POMT1: variants seen among roughly 807,000 people sequenced by gnomAD.
POMT1 encodes protein O-mannosyl-transferase 1.
POMT1 carries 85 observed loss-of-function variants against 101.6 expected under a neutral mutation model. The observed-to-expected ratio is 0.84, with a 90% CI of 0.70 to 1.00. The LOEUF (loss-of-function observed/expected upper bound fraction) is 1.00. Ranked by LOEUF, POMT1 falls within the 50% of genes least tolerant of loss-of-function variation. The probability of loss-of-function intolerance (pLI) is 0.00; values close to 1 mark genes in which losing one functional copy is unlikely to be tolerated. For missense variants in POMT1, 857 were observed against 930.4 expected (o/e 0.92, Z 1.03); for synonymous variants, 371 against 383.0 (o/e 0.97, Z 0.37).
Position 131,522,048 on chromosome 9 carries a change from T to G in POMT1, c.1827T>G (p.Asp609Glu). The G allele has an allele frequency of 6.2e-7, 1 of 1,613,790 alleles. No individual in the cohort carries two copies. Residue 609 changes from aspartate (D) to glutamate (E), a missense_variant and splice_region_variant, in exon 19 of 20, where the codon GAT becomes GAG. Physicochemically the swap from Asp to Glu is conservative, Grantham distance 45. Transcript: ENST00000402686. The surrounding 1 kb of genome is among the most constrained non-coding windows in gnomAD (Gnocchi z 5.5). Reference sequence around the variant, plus strand: ...TGTAGCTCGAGCCCTTTCCTATAGATGCCTGGCTGCGCTGGGTGCTGGCTG... The same window carrying G: ...TGTAGCTCGAGCCCTTTCCTATAGAGGCCTGGCTGCGCTGGGTGCTGGCTG... ...RRRNVHDLPQ[D>E]AWLRWVLAGA... is the part of the protein sequence containing the mutation.
In POMT1 at chr9:131,519,888, G is replaced by A. The variant is rs1949565591; in HGVS notation, c.1585-192G>A. Among the ~76,000 whole-genome samples the A allele has an allele frequency of 6.6e-6, 1 of 152,158 alleles. No homozygotes were observed. The highest frequency in any genetic ancestry group is 1.5e-5 in the Non-Finnish European group (1 of 68,028). ...GAGGTAACTGGAGCACATAGGGTGG[G>A]GCGACCCTCCCAAGGCCACATTCAG... On this transcript the variant is annotated intron_variant, in intron 16 of 19. Coordinates refer to ENST00000402686, the MANE Select transcript of POMT1 (RefSeq NM_001077365.2). This position sits in a 1 kb window ranked among gnomAD's most constrained non-coding sequence, Gnocchi z 4.3.
At position 131,510,283 on chromosome 9, in the gene POMT1, C is replaced by G. The variant is rs765290860; in HGVS notation, c.723C>G (p.Leu241=). Reference sequence around the variant, plus strand: ...AGGTCTGTGTGTTCTGTCACTTGCTCGCCCGAGCAGTGGCTTTGCTGGTCA... The same window carrying G: ...AGGTCTGTGTGTTCTGTCACTTGCTGGCCCGAGCAGTGGCTTTGCTGGTCA... The part of the protein sequence containing the change: ...LSNVCVFCHL[L]ARAVALLVIP... The change falls in exon 9 of 20, where the codon CTC becomes CTG. Residue 241 remains leucine (L), a synonymous_variant. Transcript: ENST00000402686. The G allele has an allele frequency of 6.2e-7, 1 of 1,614,234 alleles. No individual in the cohort carries two copies.
Position 131,522,640 on chromosome 9 carries a change from T to C in POMT1, c.2004-292T>C. On this transcript the variant is annotated intron_variant, in intron 19 of 19. Coordinates refer to ENST00000402686, the MANE Select transcript of POMT1 (RefSeq NM_001077365.2). This position sits in a 1 kb window ranked among gnomAD's most constrained non-coding sequence, Gnocchi z 5.5. The stretch of plus-strand genomic sequence containing the variant: ...GAGGTTGGAGCAGAGGGCGAGGGCC[T>C]CCCGGTTTCAGGAAGCCACACAAGG... 1 of 556,122 alleles carries C rather than the reference T, an allele frequency of 1.8e-6. No individual in the cohort carries two copies. Among genetic ancestry groups the C allele is most frequent in the Non-Finnish European group, 3.2e-6 (1 of 309,762 alleles). 34.4% of individuals were successfully genotyped at this position (556,122 alleles called of 1,614,324 possible).
At chr9:131,508,480 G>A (rs568222961) in intron 5 of POMT1, among the ~76,000 whole-genome samples, 73 of 151,318 alleles carry the variant, frequency 4.8e-4, no homozygotes, top group Middle Eastern at 3.5e-3. Context: ...GCAGTGAGCC[G>A]AGATTGTACC....
intron 5 of POMT1, 70 bp from the exon 6 acceptor site, chr9:131,508,841 G>A: frequency 9.1e-7 from 1 of 1,102,496 alleles, no homozygotes; most frequent in Non-Finnish European, 1.4e-6. Flanking sequence ...CTTTTTTCAT[G>A]AGTGTTTTTC....
chr9:131,522,969 G>T lies in POMT1; in HGVS notation c.2041G>T (p.Val681Leu). The T allele has an allele frequency of 6.2e-7, 1 of 1,602,312 alleles. No homozygotes were observed. Reference sequence around the variant, plus strand: ...GAGGAGCATCTTCAGCGCCCTGGTGGTGGCCTGGTACTCCTCCGCGTGCCA... The same window carrying T: ...GAGGAGCATCTTCAGCGCCCTGGTGTTGGCCTGGTACTCCTCCGCGTGCCA... ...LQRSIFSALV[V>L]AWYSSACHVS... Residue 681 changes from valine to leucine, a missense_variant, in exon 20 of 20, where the codon GTG becomes TTG. Coordinates refer to ENST00000402686, the MANE Select transcript of POMT1 (RefSeq NM_001077365.2). The surrounding 1 kb of genome is among the most constrained non-coding windows in gnomAD (Gnocchi z 5.5).
rs901967165 is a variant in POMT1, at chr9:131,512,259, C to T, written c.1082+123C>T. 33 of 1,508,330 alleles carry T rather than the reference C, an allele frequency of 2.2e-5. No individual in the cohort carries two copies. In the African/African-American group the frequency reaches 3.3e-4, roughly 15 times the overall value. The allele number at this position is 1,508,330 out of a possible 1,614,324, so 93.4% of individuals were successfully genotyped here. ...TCACTGACTCTAGTCACCGTCATGG[C>T]CTTGAACACCAGCTCAGTGCTGAGT... On this transcript the variant is annotated intron_variant, in intron 11 of 19. Coordinates refer to ENST00000402686, the MANE Select transcript of POMT1 (RefSeq NM_001077365.2).
intron 4 of POMT1, among the ~76,000 whole-genome samples, chr9:131,507,106 A>G (rs1946028129): frequency 6.6e-6 from 1 of 151,998 alleles, no homozygotes; most frequent in Non-Finnish European, 1.5e-5. Context: ...CAGGGAGGGT[A>G]AATATGTATA....
In POMT1 at chr9:131,518,363, A is replaced by C. The variant is rs1554780444; in HGVS notation, c.1273-82A>C. 6 of 1,151,250 alleles carry C rather than the reference A, an allele frequency of 5.2e-6. No individual in the cohort carries two copies. The East Asian group carries it at 1.4e-4, about 27-fold the overall frequency. The allele number at this position is 1,151,250 out of a possible 1,614,324, so 71.3% of individuals were successfully genotyped here. On this transcript the variant is annotated intron_variant, in intron 13 of 19. Coordinates refer to ENST00000402686, the MANE Select transcript of POMT1 (RefSeq NM_001077365.2). ...TTTGTCTCAGGCTCAAGTCAGTATC[A>C]TTGTTTGGTGACAGGTCTTTATTTT...
At chr9:131,508,873 C>A in intron 5 of POMT1, 38 bp from the exon 6 acceptor site, 1 of 1,445,256 alleles carries the variant, frequency 6.9e-7, no homozygotes, top group Non-Finnish European at 9.7e-7. Flanking sequence ...TTTTCCCTTG[C>A]TACCTTAAAA....
At position 131,519,092 on chromosome 9, in the gene POMT1, C is replaced by T; in HGVS notation, c.1486+135C>T. ...TCCATGCTCGGTGGCAGGTCATCTC[C>T]CTCCCTGCACCCTGCACTCAGCTGC... On this transcript the variant is annotated intron_variant, in intron 15 of 19. Coordinates refer to ENST00000402686, the MANE Select transcript of POMT1 (RefSeq NM_001077365.2). The surrounding 1 kb of genome is among the most constrained non-coding windows in gnomAD (Gnocchi z 4.3). The T allele has an allele frequency of 1.5e-6, 2 of 1,374,626 alleles. No individual in the cohort carries two copies. The highest frequency in any genetic ancestry group is 2.0e-6 in the Non-Finnish European group (2 of 999,312). The allele number at this position is 1,374,626 out of a possible 1,614,324, so 85.2% of individuals were successfully genotyped here. A position where few individuals can be genotyped will look rare whatever the true frequency, so the allele number is the denominator to read the frequency against.
chr9:131,513,039 C>T lies in POMT1; in HGVS notation c.1083-200C>T, dbSNP rs558475469. On this transcript the variant is annotated intron_variant, in intron 11 of 19. Coordinates refer to ENST00000402686, the MANE Select transcript of POMT1 (RefSeq NM_001077365.2). ...GGTGTGATGACCGCGGGTAGAATCA[C>T]ATTCGGAAAATGACCTTTGGTTTCA... Among the ~76,000 whole-genome samples, 10 of 152,358 alleles carry T rather than the reference C, an allele frequency of 6.6e-5. No homozygotes were observed. In the South Asian group the frequency reaches 1.9e-3, roughly 28 times the overall value.
chr9:131,518,020 G>A (rs769621266), intron 13 of POMT1, among the ~76,000 whole-genome samples: 10 of 152,340 alleles, frequency 6.6e-5, no homozygotes, highest in Non-Finnish European at 1.3e-4. Flanking sequence ...TTTATTACTC[G>A]ATGCGAGGAA....
chr9:131,503,672 G>C lies in POMT1; in HGVS notation c.-30-517G>C, dbSNP rs1464535398. Among the ~76,000 whole-genome samples the C allele has an allele frequency of 6.6e-6, 1 of 152,230 alleles. No homozygotes were observed. The highest frequency in any genetic ancestry group is 1.9e-4 in the East Asian group (1 of 5,190). On this transcript the variant is annotated intron_variant, in intron 1 of 19. Coordinates refer to ENST00000402686, the MANE Select transcript of POMT1 (RefSeq NM_001077365.2). This position sits in a 1 kb window ranked among gnomAD's most constrained non-coding sequence, Gnocchi z 4.4. ...CAGGGTGCAAATGCACCCTCCAGGC[G>C]AGAAAGGGAGCACCCGGGGATGATG...
intron 9 of POMT1, 178 bp from the exon 10 acceptor site, chr9:131,511,159 G>A: frequency 1.4e-6 from 1 of 693,526 alleles, no homozygotes; most frequent in South Asian, 2.0e-5. Flanking sequence ...CAGACTTAGT[G>A]CTCATTATGG....
In POMT1 at chr9:131,503,980, TGAGA is replaced by T. The variant is rs1268761798; in HGVS notation, c.-30-208_-30-205del. Among the ~76,000 whole-genome samples the T allele has an allele frequency of 5.3e-5, 8 of 152,206 alleles. No homozygotes were observed. The highest frequency in any genetic ancestry group is 1.0e-4 in the Non-Finnish European group (7 of 68,028). The stretch of plus-strand genomic sequence containing the variant: ...GTTGAAAGGAGTGAATGTCCAGTCC[TGAGA>T]TCCCCTGAATTCCCACCCGAGTTCA... On this transcript the variant is annotated intron_variant, in intron 1 of 19. Transcript: ENST00000402686. This position sits in a 1 kb window ranked among gnomAD's most constrained non-coding sequence, Gnocchi z 4.4.
intron 13 of POMT1, among the ~76,000 whole-genome samples, chr9:131,515,761 T>C: frequency 2.9e-5 from 1 of 34,312 alleles, no homozygotes; most frequent in Non-Finnish European, 8.0e-5. Context: ...ACGGAGCACT[T>C]CCTCTAACAT....
At chr9:131,506,558 C>A in intron 4 of POMT1, 105 bp downstream of exon 4, 1 of 1,050,990 alleles carries the variant, frequency 9.5e-7, no homozygotes, top group Non-Finnish European at 1.5e-6. Flanking sequence ...CCTTTCATAC[C>A]TAGTCCCACA....
Position 131,523,421 on chromosome 9 carries a change from A to C in POMT1, c.*315A>C. ...GCCGAGAACCCAGGGCCAGCAGTGG[A>C]GCCTCAGCAGACCAGGGCCTGGTCC... On this transcript the variant is annotated 3_prime_UTR_variant, in exon 20 of 20. Transcript: ENST00000402686. The C allele has an allele frequency of 5.2e-6, 2 of 385,440 alleles. No homozygotes were observed. Among genetic ancestry groups the C allele is most frequent in the South Asian group, 4.4e-5 (2 of 45,254 alleles). The allele number at this position is 385,440 out of a possible 1,614,324, so 23.9% of individuals were successfully genotyped here. A position where few individuals can be genotyped will look rare whatever the true frequency, so the allele number is the denominator to read the frequency against.
Sources: gnomAD v4.1 joint callset for allele counts (sites outside exome capture counted in the v4.1 genomes callset) on GRCh38, gnomAD v4.1.1 for gene constraint, Gnocchi (gnomAD v3.1) non-coding constraint, MANE v1.5 for transcripts, NCBI Gene and HGNC (gene_info 2026-07-23, HGNC 2026-07-21) for gene names.